The following ADGRL3 variants were observed in gnomAD, a reference collection of about 807,000 sequenced individuals.
The protein encoded by ADGRL3 is calcium-independent alpha-latrotoxin receptor 3.
In ADGRL3, 62 loss-of-function variants were observed where a neutral mutation model predicts 153.5. The ratio of observed to expected loss-of-function variants is 0.40; its 90% CI spans 0.33 to 0.50. The LOEUF (loss-of-function observed/expected upper bound fraction) is 0.50. Ranked by LOEUF, ADGRL3 falls within the 20% of genes least tolerant of loss-of-function variation. ADGRL3 has a pLI of 0.47. For synonymous variants in ADGRL3, 710 were observed against 672.5 expected (o/e 1.06, Z -0.86); for missense variants, 1,641 against 1,859.4 (o/e 0.88, Z 2.16).
At chr4:61,907,735 A>G (rs944909271) in intron 11 of ADGRL3, among the ~76,000 whole-genome samples, 4 of 152,112 alleles carry the variant, frequency 2.6e-5, no homozygotes, top group Admixed American at 1.3e-4. Context: ...CTTAATTGCT[A>G]TATTTTGCAA....
At chr4:62,060,505 C>A (rs1739483945) in intron 25 of ADGRL3, among the ~76,000 whole-genome samples, 1 of 151,612 alleles carries the variant, frequency 6.6e-6, no homozygotes, top group African/African-American at 2.4e-5. Context: ...CTTTCATTTT[C>A]TATTTAAATG....
intron 9 of ADGRL3, among the ~76,000 whole-genome samples, chr4:61,877,868 A>G (rs1256048942): frequency 6.6e-6 from 1 of 152,100 alleles, no homozygotes; most frequent in South Asian, 2.1e-4. Context: ...GATCCTGGGA[A>G]CAGTTCCCCC....
At chr4:61,648,068 G>A (rs1307134899) in intron 5 of ADGRL3, among the ~76,000 whole-genome samples, 1 of 151,950 alleles carries the variant, frequency 6.6e-6, no homozygotes, top group Admixed American at 6.6e-5. Context: ...AATTCTTTCA[G>A]AGAGATTCCA....
At chr4:61,880,234 C>T (rs2098501307) in intron 9 of ADGRL3, among the ~76,000 whole-genome samples, 1 of 152,128 alleles carries the variant, frequency 6.6e-6, no homozygotes, top group Admixed American at 6.5e-5. Flanking sequence ...ACCACTTAGT[C>T]ATTAGTTCCA....
chr4:61,568,137 T>C (rs1228093242), intron 4 of ADGRL3, among the ~76,000 whole-genome samples: 1 of 152,186 alleles, frequency 6.6e-6, no homozygotes, highest in Non-Finnish European at 1.5e-5. Flanking sequence ...ATTATCTGAT[T>C]TCATCGGAAA....
chr4:61,453,028 AC>A (rs35864848), intron 2 of ADGRL3, among the ~76,000 whole-genome samples: 27,411 of 152,056 alleles, frequency 0.18, 2,579 homozygotes, highest in Non-Finnish European at 0.2. Context: ...AAGTGATAAA[AC>A]CATAGGTGGC....
intron 8 of ADGRL3, among the ~76,000 whole-genome samples, chr4:61,796,249 T>C (rs1214235259): frequency 2.0e-5 from 3 of 152,196 alleles, no homozygotes; most frequent in Non-Finnish European, 4.4e-5. Flanking sequence ...GCTGTCTCTA[T>C]TAGAATGGGG....
chr4:61,927,014 C>T (rs2098797229), intron 13 of ADGRL3, among the ~76,000 whole-genome samples: 1 of 152,292 alleles, frequency 6.6e-6, no homozygotes, highest in Non-Finnish European at 1.5e-5. Flanking sequence ...CTTCATGGAG[C>T]TTTTCCAATA....
chr4:62,031,442 G>A lies in ADGRL3; in HGVS notation c.3423G>A (p.Lys1141=). Residue 1141 remains lysine, a splice_region_variant and synonymous_variant, in exon 23 of 27, where the codon AAG becomes AAA. Transcript: ENST00000683033. ...INYEDNRPFI[K]SWVIGAIALL... is the part of the protein sequence containing the mutation. ...CCTTAATTTTCTCTTCTCTCTACAG[G>A]TCATGGGTTATAGGTGCAATAGCTC... 6.2e-7 allele frequency: 1 copy of A among 1,605,734 alleles called. No homozygotes were observed. The highest frequency in any genetic ancestry group is 8.5e-7 in the Non-Finnish European group (1 of 1,174,990).
chr4:62,005,904 CAG>C (rs1397607547), intron 21 of ADGRL3, among the ~76,000 whole-genome samples: 15 of 144,126 alleles, frequency 1.0e-4, no homozygotes, highest in African/African-American at 3.6e-4. Flanking sequence ...GGATATGTTT[CAG>C]AGTTTACAAA....
chr4:61,505,880 A>T (rs2098424983), intron 3 of ADGRL3, among the ~76,000 whole-genome samples: 2 of 152,078 alleles, frequency 1.3e-5, no homozygotes, highest in African/African-American at 4.8e-5. Flanking sequence ...TTTATATGGC[A>T]AGGATAATTA....
At chr4:61,646,037 C>T (rs2150291684) in intron 5 of ADGRL3, among the ~76,000 whole-genome samples, 1 of 152,242 alleles carries the variant, frequency 6.6e-6, no homozygotes, top group Non-Finnish European at 1.5e-5. Context: ...TCATTCATTT[C>T]ATCTTCCATC....
intron 2 of ADGRL3, among the ~76,000 whole-genome samples, chr4:61,391,853 TA>T (rs1560564216): frequency 8.1e-6 from 1 of 124,086 alleles, no homozygotes; most frequent in Non-Finnish European, 1.8e-5. Context: ...TGAAAAATGC[TA>T]CTTTTTTTTT....
At chr4:61,474,001 G>A (rs1304985535) in intron 2 of ADGRL3, among the ~76,000 whole-genome samples, 1 of 151,950 alleles carries the variant, frequency 6.6e-6, no homozygotes, top group African/African-American at 2.4e-5. Flanking sequence ...GGCATTTTGA[G>A]GGATCGTCAG....
intron 1 of ADGRL3, among the ~76,000 whole-genome samples, chr4:61,330,452 C>T (rs2150956123): frequency 6.6e-6 from 1 of 152,246 alleles, no homozygotes; most frequent in South Asian, 2.1e-4. Flanking sequence ...TCTCCTGGTT[C>T]TTAGGCCTTT....
chr4:62,063,702 C>A (rs767486028), intron 25 of ADGRL3: 1 of 554,748 alleles, frequency 1.8e-6, no homozygotes, highest in South Asian at 2.5e-5. Flanking sequence ...TGGGCAAATT[C>A]TATTTTTCTT....
rs139059243 is a variant in ADGRL3 at position 61,511,915 on chromosome 4, C to G, written c.56-5400C>G. ...ACTATTGTTAGAGATTACTACCCAG[C>G]CTATAAAGAAATTATGCAGCTATCA... On this transcript the variant is annotated intron_variant, in intron 3 of 26. Transcript: ENST00000683033. Among the ~76,000 whole-genome samples the G allele has an allele frequency of 2.0e-5, 3 of 152,154 alleles. No homozygotes were observed. In the East Asian group the frequency reaches 5.8e-4, roughly 29 times the overall value.
At chr4:61,839,218 C>G (rs918607726) in intron 9 of ADGRL3, among the ~76,000 whole-genome samples, 7 of 152,070 alleles carry the variant, frequency 4.6e-5, no homozygotes, top group Non-Finnish European at 5.9e-5. Context: ...GAGATGGAGC[C>G]TTACTCTGTC....
intron 17 of ADGRL3, among the ~76,000 whole-genome samples, chr4:61,953,686 T>A (rs569497910): frequency 1.3e-5 from 2 of 152,240 alleles, no homozygotes; most frequent in South Asian, 4.1e-4. Context: ...CATAATTTTA[T>A]AAGAATTATA....
Sources: allele counts gnomAD v4.1 joint callset (sites outside exome capture counted in the v4.1 genomes callset), GRCh38; gene constraint gnomAD v4.1.1; transcripts MANE v1.5; gene names NCBI Gene and HGNC (gene_info 2026-07-23, HGNC 2026-07-21).